The following PLXNA1 variants were observed in gnomAD, a reference collection of about 807,000 sequenced individuals.
PLXNA1 encodes plexin A1.
In PLXNA1, 77 loss-of-function variants were observed where a neutral mutation model predicts 191.7. The observed-to-expected ratio is 0.40, with a 90% CI of 0.33 to 0.49. The LOEUF is 0.49. Ranked by LOEUF, PLXNA1 falls within the 20% of genes least tolerant of loss-of-function variation. PLXNA1 has a pLI of 0.63. For synonymous variants in PLXNA1, 1,137 were observed against 1,156.4 expected (o/e 0.98, Z 0.34); for missense variants, 2,110 against 2,660.2 (o/e 0.79, Z 4.55).
At position 126,995,613 on chromosome 3, in the gene PLXNA1, G is replaced by A. The variant is rs142182254; in HGVS notation, c.1377+4047G>A. On this transcript the variant is annotated intron_variant, in intron 3 of 31. Transcript: ENST00000393409. ...TGTAGGCCTGACTGCCTGAGCACCC[G>A]GTTTTTCAAGATTCTGGAAACCTGT... Among the ~76,000 whole-genome samples the A allele has an allele frequency of 9.1e-3, 1,383 of 152,358 alleles. 16 individuals are homozygous for A. Among genetic ancestry groups the A allele is most frequent in the Non-Finnish European group, 0.013 (864 of 68,024 alleles).
chr3:127,016,487 C>T, intron 15 of PLXNA1, 30 bp from the exon 16 acceptor site: 2 of 1,609,674 alleles, frequency 1.2e-6, no homozygotes, highest in Non-Finnish European at 8.5e-7. Context: ...CACCCGTGTG[C>T]TCCTCACTGT....
rs750473154 is a variant in PLXNA1 at position 127,015,268 on chromosome 3, G to T, written c.2962G>T (p.Ala988Ser). 6.2e-7 allele frequency: 1 copy of T among 1,612,862 alleles called. No individual in the cohort carries two copies. The highest frequency in any genetic ancestry group is 8.5e-7 in the Non-Finnish European group (1 of 1,179,798). ...WIGIEGSHLN[A>S]GSDVAVSVGG... ...TGGCATCGAGGGAAGCCACCTGAAC[G>T]CAGGCAGTGATGTGGCTGTGTCGGT... Residue 988 changes from alanine to serine, a missense_variant, in exon 15 of 32, where the codon GCA becomes TCA. Physicochemically the swap from Ala to Ser is moderately conservative, Grantham distance 99. This residue lies in a region of PLXNA1 where 644 missense variants were observed against 714.3 expected (regional missense o/e 0.90). Transcript: ENST00000393409.
chr3:127,014,745 C>A lies in PLXNA1; in HGVS notation c.2791C>A (p.Arg931Ser). The A allele has an allele frequency of 6.2e-7, 1 of 1,612,190 alleles. No homozygotes were observed. The highest frequency in any genetic ancestry group is 8.5e-7 in the Non-Finnish European group (1 of 1,179,794). ...VCEIGDASSV[R>S]AHDALVEVCV... ...TGAGATCGGGGACGCCAGCTCCGTG[C>A]GTGCCCATGACGCCCTGGTGGAGGT... The change falls in exon 14 of 32, where the codon CGT becomes AGT. Residue 931 changes from arginine to serine, a missense_variant. Around this residue, in one of 4 missense-constraint regions of PLXNA1, gnomAD observed 644 missense variants for 714.3 expected, o/e 0.90. Coordinates refer to ENST00000393409, the MANE Select transcript of PLXNA1 (RefSeq NM_032242.4).
At position 127,015,284 on chromosome 3, in the gene PLXNA1, C is replaced by T. The variant is rs1422956299; in HGVS notation, c.2978C>T (p.Ala993Val). ...GSHLNAGSDV[A>V]VSVGGRPCSF... is the part of the protein sequence containing the mutation. ...CACCTGAACGCAGGCAGTGATGTGG[C>T]TGTGTCGGTCGGTGGCCGGCCCTGC... The change falls in exon 15 of 32, where the codon GCT (alanine) becomes GTT (valine). Residue 993 changes from alanine (A) to valine (V), a missense_variant. Physicochemically the swap from Ala to Val is moderately conservative, Grantham distance 64. This residue lies in a region of PLXNA1 where 644 missense variants were observed against 714.3 expected (regional missense o/e 0.90). Transcript: ENST00000393409. 1.9e-6 allele frequency: 3 copies of T among 1,611,004 alleles called. 1 individual carries two copies. Among genetic ancestry groups the T allele is most frequent in the Admixed American group, 3.3e-5 (2 of 59,876 alleles).
At chr3:127,024,648 G>A (rs913068175) in intron 23 of PLXNA1, among the ~76,000 whole-genome samples, 2 of 152,174 alleles carry the variant, frequency 1.3e-5, no homozygotes, top group Admixed American at 6.5e-5. Flanking sequence ...GCAGGCAGGG[G>A]CCAGGAGCTG....
intron 29 of PLXNA1, chr3:127,032,010 GGGCCGGA>G (rs2079214006): frequency 4.3e-6 from 1 of 230,292 alleles, no homozygotes; most frequent in African/African-American, 2.3e-5. Flanking sequence ...TGGGTCCCCT[GGGCCGGA>G]GCTGAGCTGC....
intron 29 of PLXNA1, among the ~76,000 whole-genome samples, 179 bp downstream of exon 29, chr3:127,030,591 C>T (rs1423492537): frequency 6.6e-6 from 1 of 152,200 alleles, no homozygotes; most frequent in Non-Finnish European, 1.5e-5. Flanking sequence ...CTGCCTGTGC[C>T]CCTTGACCCA....
rs746561118 is a variant in PLXNA1, at chr3:126,988,909, C to G, written c.316C>G (p.His106Asp). ...GCCGCCCAGCGTGCAGTCCTGCCCC[C>G]ACGGCCTGGGCAGTACTGACAACGT... ...YPPPSVQSCP[H>D]GLGSTDNVNK... is the part of the protein sequence containing the mutation. Residue 106 changes from histidine (H) to aspartate (D), a missense_variant, in exon 2 of 32, where the codon CAC (histidine) becomes GAC (aspartate). Physicochemically the swap from His to Asp is moderately conservative, Grantham distance 81. This residue lies in a region of PLXNA1 where 903 missense variants were observed against 1,015.7 expected (regional missense o/e 0.89). Coordinates refer to ENST00000393409, the MANE Select transcript of PLXNA1 (RefSeq NM_032242.4). The G allele has an allele frequency of 6.2e-7, 1 of 1,613,288 alleles. No individual in the cohort carries two copies. The highest frequency in any genetic ancestry group is 8.5e-7 in the Non-Finnish European group (1 of 1,180,012).
At position 127,017,577 on chromosome 3, in the gene PLXNA1, C is replaced by T. The variant is rs890861202; in HGVS notation, c.3429C>T (p.Ser1143=). 6.2e-7 allele frequency: 1 copy of T among 1,613,678 alleles called. No individual in the cohort carries two copies. Among genetic ancestry groups the T allele is most frequent in the African/African-American group, 1.3e-5 (1 of 74,920 alleles). Residue 1143 remains serine (S), a synonymous_variant, in exon 18 of 32, where the codon TCC becomes TCT. Coordinates refer to ENST00000393409, the MANE Select transcript of PLXNA1 (RefSeq NM_032242.4). ...CCCTGCTTGTGCTCAACTCCACCTC[C>T]TTCCTCTACTACCCTGACCCCGTAC... ...VRSLLVLNST[S]FLYYPDPVLE...
intron 19 of PLXNA1, 71 bp downstream of exon 19, chr3:127,017,963 C>T (rs2079132994): frequency 1.9e-6 from 3 of 1,578,868 alleles, no homozygotes; most frequent in Middle Eastern, 1.8e-4. Context: ...CCCACTAGCA[C>T]AGCCCCAGCT....
At chr3:127,027,888 T>G (rs9833827) in intron 23 of PLXNA1, 52 bp from the exon 24 acceptor site, 361,045 of 1,607,670 alleles carry the variant, frequency 0.22, 46,874 homozygotes, top group African/African-American at 0.59. Context: ...AGGGGCAGGT[T>G]GGGGGTAGGC....
At chr3:127,024,453 G>T (rs895550560) in intron 23 of PLXNA1, among the ~76,000 whole-genome samples, 11 of 152,168 alleles carry the variant, frequency 7.2e-5, no homozygotes, top group African/African-American at 2.7e-4. Context: ...TGGAGGGAGG[G>T]AGAGGGAGGC....
rs201071513 is a variant in PLXNA1, at chr3:127,022,066, G to C, written c.4039-19G>C. Reference sequence around the variant, plus strand: ...GGCTGGGTGCTTCTCTGTGGTCTGAGCTCTGTGTGCTCCCTCAGGTGCAGG... The same window carrying C: ...GGCTGGGTGCTTCTCTGTGGTCTGACCTCTGTGTGCTCCCTCAGGTGCAGG... On this transcript the variant is annotated intron_variant, in intron 21 of 31. Transcript: ENST00000393409. The C allele has an allele frequency of 6.2e-7, 1 of 1,606,764 alleles. No individual in the cohort carries two copies. The highest frequency in any genetic ancestry group is 8.5e-7 in the Non-Finnish European group (1 of 1,175,402).
rs374130596 is a variant in PLXNA1, at chr3:126,989,025, C to T, written c.432C>T (p.Asp144=). 22 of 1,613,172 alleles carry T rather than the reference C, an allele frequency of 1.4e-5. No individual in the cohort carries two copies. Among genetic ancestry groups the T allele is most frequent in the South Asian group, 4.4e-5 (4 of 91,094 alleles). ...GCATCTGCCAGTTCCTGCGTCTGGA[C>T]GATCTCTTCAAACTGGGTGAGCCAC... ...SQGICQFLRL[D]DLFKLGEPHH... is the part of the protein sequence containing the mutation. The change falls in exon 2 of 32, where the codon GAC becomes GAT. Residue 144 remains aspartate, a synonymous_variant. Transcript: ENST00000393409.
intron 31 of PLXNA1, 46 bp downstream of exon 31, chr3:127,032,882 G>A (rs749588364): frequency 6.3e-7 from 1 of 1,588,028 alleles, no homozygotes; most frequent in East Asian, 2.2e-5. Context: ...GGGCTTGCCG[G>A]CCCCTGCCAG....
At chr3:127,031,123 GCC>G (rs1216309098) in intron 29 of PLXNA1, among the ~76,000 whole-genome samples, 2 of 152,196 alleles carry the variant, frequency 1.3e-5, no homozygotes, top group Admixed American at 6.5e-5. Flanking sequence ...GTCATGGACT[GCC>G]CAACTCAGCA....
chr3:126,998,035 C>CTG (rs2079022599), intron 3 of PLXNA1, among the ~76,000 whole-genome samples: 1 of 152,210 alleles, frequency 6.6e-6, no homozygotes, highest in Non-Finnish European at 1.5e-5. Context: ...GTAGGAGGTG[C>CTG]TGGCAGCGTG....
intron 3 of PLXNA1, among the ~76,000 whole-genome samples, chr3:127,001,332 G>A (rs558064009): frequency 6.6e-6 from 1 of 151,918 alleles, no homozygotes; most frequent in Non-Finnish European, 1.5e-5. Flanking sequence ...GGCCCTGGCT[G>A]TTGGGGAGGT....
chr3:127,011,565 C>CA (rs2079095755), intron 9 of PLXNA1, among the ~76,000 whole-genome samples: 1 of 152,208 alleles, frequency 6.6e-6, no homozygotes, highest in Admixed American at 6.5e-5. Flanking sequence ...ATGCTGGCCC[C>CA]AGAGGCCAGG....
Sources: allele counts gnomAD v4.1 joint callset (sites outside exome capture counted in the v4.1 genomes callset), GRCh38; gene constraint gnomAD v4.1.1; regional missense constraint gnomAD v4.1.1; transcripts MANE v1.5; gene names NCBI Gene and HGNC (gene_info 2026-07-23, HGNC 2026-07-21).